SKAP1: variants seen among roughly 807,000 people sequenced by gnomAD.
SKAP1 encodes src kinase associated phosphoprotein 1.
SKAP1 carries 44 observed loss-of-function variants against 58.5 expected under a neutral mutation model. The observed-to-expected ratio is 0.75, with a 90% CI of 0.59 to 0.97. The LOEUF (loss-of-function observed/expected upper bound fraction) is 0.97. Among genes scored for constraint, SKAP1 ranks in the 50% least tolerant of loss-of-function variants. The probability of loss-of-function intolerance (pLI) is 0.00; values close to 1 mark genes in which losing one functional copy is unlikely to be tolerated. For synonymous variants in SKAP1, 127 were observed against 149.7 expected (o/e 0.85, Z 1.11); for missense variants, 390 against 435.2 (o/e 0.90, Z 0.92).
chr17:48,433,483 G>C (rs2067928402), upstream of SKAP1, among the ~76,000 whole-genome samples: 1 of 152,142 alleles, frequency 6.6e-6, no homozygotes, highest in African/African-American at 2.4e-5. Context: ...TCTCAGGTCT[G>C]TCTGCCTCCC....
At chr17:48,222,488 T>C (rs1352402016) in intron 4 of SKAP1, among the ~76,000 whole-genome samples, 1 of 151,940 alleles carries the variant, frequency 6.6e-6, no homozygotes, top group East Asian at 2.0e-4. Flanking sequence ...TATATATATA[T>C]TTTTTTCCCG....
chr17:48,203,449 T>C (rs1392218911), intron 4 of SKAP1, among the ~76,000 whole-genome samples: 2 of 152,216 alleles, frequency 1.3e-5, no homozygotes, highest in Non-Finnish European at 2.9e-5. Context: ...GTCTCTAAAA[T>C]GTATTTCTGA....
chr17:48,430,617 G>A (rs2067907535), upstream of SKAP1, among the ~76,000 whole-genome samples: 1 of 152,174 alleles, frequency 6.6e-6, no homozygotes, highest in Admixed American at 6.5e-5. Context: ...TGCCGGTCCA[G>A]TTCACATCTC....
chr17:48,269,756 AAAGT>A (rs2065602925), intron 4 of SKAP1, among the ~76,000 whole-genome samples: 1 of 152,192 alleles, frequency 6.6e-6, no homozygotes, highest in African/African-American at 2.4e-5. Context: ...GTGGGGATGG[AAAGT>A]AAGTGATTTG....
intron 11 of SKAP1, among the ~76,000 whole-genome samples, chr17:48,143,829 GGTT>G (rs1422722788): frequency 6.6e-6 from 1 of 152,126 alleles, no homozygotes; most frequent in Non-Finnish European, 1.5e-5. Flanking sequence ...GCTCCCCGGG[GGTT>G]GTTCAACGCT....
At chr17:48,362,193 G>A (rs940081128) in intron 3 of SKAP1, among the ~76,000 whole-genome samples, 1 of 152,186 alleles carries the variant, frequency 6.6e-6, no homozygotes, top group Non-Finnish European at 1.5e-5. Flanking sequence ...AGAGAGAAAG[G>A]ATGGGTAGAA....
At chr17:48,248,846 A>G (rs1477987222) in intron 4 of SKAP1, 1 of 152,154 alleles carries the variant, frequency 6.6e-6, no homozygotes, top group African/African-American at 2.4e-5. Flanking sequence ...AGGGTTTAAT[A>G]GAGGGCCTTT....
intron 4 of SKAP1, among the ~76,000 whole-genome samples, chr17:48,228,694 T>A (rs963938833): frequency 1.8e-4 from 28 of 152,212 alleles, no homozygotes; most frequent in African/African-American, 5.3e-4. Flanking sequence ...ATTTTATGAA[T>A]GAAGAAACTG....
chr17:48,401,384 A>C (rs1170826067), intron 1 of SKAP1, among the ~76,000 whole-genome samples: 1 of 152,204 alleles, frequency 6.6e-6, no homozygotes, highest in Admixed American at 6.5e-5. Context: ...ACTTACCACA[A>C]AACTACAGCA....
intron 4 of SKAP1, among the ~76,000 whole-genome samples, chr17:48,266,144 A>C (rs929650763): frequency 3.0e-4 from 45 of 151,942 alleles, no homozygotes; most frequent in Middle Eastern, 3.4e-3. Context: ...ACACACACCC[A>C]CACACACACA....
intron 1 of SKAP1, among the ~76,000 whole-genome samples, chr17:48,411,221 G>A (rs1240846843): frequency 1.3e-5 from 2 of 151,896 alleles, no homozygotes; most frequent in East Asian, 1.9e-4. Flanking sequence ...CCAACATGGC[G>A]AAACCCCATC....
intron 4 of SKAP1, among the ~76,000 whole-genome samples, chr17:48,265,897 C>G (rs1047437239): frequency 5.9e-5 from 9 of 152,152 alleles, no homozygotes; most frequent in Admixed American, 1.3e-4. Context: ...TTAGGTTGTC[C>G]AAGTTTTCAA....
At chr17:48,221,143 T>C (rs1162983472) in intron 4 of SKAP1, among the ~76,000 whole-genome samples, 3 of 151,884 alleles carry the variant, frequency 2.0e-5, no homozygotes, top group African/African-American at 7.3e-5. Context: ...GATGCACATC[T>C]GTAATCCCAG....
chr17:48,408,825 C>T (rs1380226023), intron 1 of SKAP1, among the ~76,000 whole-genome samples: 1 of 152,106 alleles, frequency 6.6e-6, no homozygotes, highest in African/African-American at 2.4e-5. Context: ...ATACATTTGC[C>T]CTTCAATTTA....
chr17:48,443,538 C>A, the SKAP1 span, among the ~76,000 whole-genome samples: 2 of 152,098 alleles, frequency 1.3e-5, no homozygotes, highest in Non-Finnish European at 2.9e-5. Flanking sequence ...TGCAATGGTG[C>A]GATCTCGGCT....
intron 4 of SKAP1, among the ~76,000 whole-genome samples, chr17:48,239,139 T>C (rs2065214838): frequency 6.6e-6 from 1 of 152,166 alleles, no homozygotes. Context: ...ACACTTGGGG[T>C]GACCACAGCT....
At chr17:48,240,020 G>A (rs2065228405) in intron 4 of SKAP1, among the ~76,000 whole-genome samples, 1 of 152,144 alleles carries the variant, frequency 6.6e-6, no homozygotes, top group South Asian at 2.1e-4. Flanking sequence ...AAATGTTCAT[G>A]GATTCAGTTA....
At chr17:48,319,484 A>G (rs533874005) in intron 4 of SKAP1, among the ~76,000 whole-genome samples, 4 of 152,354 alleles carry the variant, frequency 2.6e-5, no homozygotes, top group Admixed American at 2.6e-4. Flanking sequence ...AGTATTCTGG[A>G]CATAAGAAAC....
chr17:48,275,338 C>A (rs576451909), intron 4 of SKAP1, among the ~76,000 whole-genome samples: 1 of 152,266 alleles, frequency 6.6e-6, no homozygotes, highest in East Asian at 1.9e-4. Flanking sequence ...ATTATTTCCT[C>A]CCTGGGTTCT....
Sources: allele counts gnomAD v4.1 joint callset (sites outside exome capture counted in the v4.1 genomes callset), GRCh38; gene constraint gnomAD v4.1.1; transcripts MANE v1.5; gene names NCBI Gene and HGNC (gene_info 2026-07-23, HGNC 2026-07-21).